The following PGM5 variants were observed in gnomAD, a reference collection of about 807,000 sequenced individuals.
PGM5 encodes the protein phosphoglucomutase 5, also known as phosphoglucomutase-like protein 5.
PGM5 carries 23 observed loss-of-function variants against 59.2 expected under a neutral mutation model. The observed-to-expected ratio is 0.39, with a 90% CI of 0.28 to 0.55. The LOEUF (loss-of-function observed/expected upper bound fraction) is 0.55. Ranked by LOEUF, PGM5 falls within the 20% of genes least tolerant of loss-of-function variation. The probability of loss-of-function intolerance (pLI) is 0.66; values close to 1 mark genes in which losing one functional copy is unlikely to be tolerated. For synonymous variants in PGM5, 214 were observed against 286.0 expected, an observed-to-expected ratio of 0.75 and a Z score of 2.54; for missense variants, 574 against 748.3, an observed-to-expected ratio of 0.77 and a Z score of 2.72.
chr9:68,375,314 C>T (rs12554575), intron 1 of PGM5, among the ~76,000 whole-genome samples: 10,995 of 152,248 alleles, frequency 0.072, 500 homozygotes, highest in Middle Eastern at 0.19. Context: ...AAGGCAAGGA[C>T]GATTGGGGCC....
chr9:68,452,069 G>C (rs1156417979), intron 6 of PGM5, among the ~76,000 whole-genome samples: 1 of 152,208 alleles, frequency 6.6e-6, no homozygotes, highest in Admixed American at 6.5e-5. Context: ...GACAGAGAGA[G>C]AGGTATTCCT....
At chr9:68,494,174 T>C (rs1202879269) in intron 9 of PGM5, among the ~76,000 whole-genome samples, 6 of 152,146 alleles carry the variant, frequency 3.9e-5, no homozygotes, top group Admixed American at 6.5e-5. Context: ...TAGTGAGATA[T>C]CATGAATTCT....
chr9:68,410,983 GC>G (rs1408407115), intron 6 of PGM5, among the ~76,000 whole-genome samples: 2 of 152,170 alleles, frequency 1.3e-5, no homozygotes, highest in Non-Finnish European at 2.9e-5. Context: ...TCATGGAAAG[GC>G]CCCAGCAGTG....
intron 6 of PGM5, chr9:68,405,271 C>A (rs1822775015): frequency 6.6e-6 from 1 of 152,222 alleles, no homozygotes; most frequent in Non-Finnish European, 1.5e-5. Context: ...GGAGGAGGGT[C>A]ATTCCTTCCC....
At chr9:68,464,140 T>G (rs1488484576) in intron 6 of PGM5, among the ~76,000 whole-genome samples, 1 of 152,260 alleles carries the variant, frequency 6.6e-6, no homozygotes, top group Non-Finnish European at 1.5e-5. Context: ...TTGGATTGTT[T>G]CAGTTATTAC....
intron 6 of PGM5, among the ~76,000 whole-genome samples, chr9:68,451,827 G>T (rs1480286441): frequency 6.6e-6 from 1 of 152,180 alleles, no homozygotes; most frequent in African/African-American, 2.4e-5. Context: ...GCATCCAGTT[G>T]CATAGGATGT....
intron 1 of PGM5, among the ~76,000 whole-genome samples, chr9:68,377,981 A>T (rs1266951111): frequency 2.0e-5 from 3 of 152,194 alleles, no homozygotes; most frequent in Admixed American, 2.0e-4. Context: ...ACAGGTTAAT[A>T]ATTGACTACT....
chr9:68,492,619 G>A (rs535866446), intron 9 of PGM5, among the ~76,000 whole-genome samples: 29 of 152,304 alleles, frequency 1.9e-4, no homozygotes, highest in African/African-American at 6.0e-4. Flanking sequence ...CAAGCCAGCC[G>A]AAGGAAGGAT....
intron 6 of PGM5, chr9:68,399,258 G>C (rs1297554736): frequency 1.3e-5 from 2 of 151,802 alleles, no homozygotes; most frequent in African/African-American, 4.8e-5. Flanking sequence ...AGTGAATACT[G>C]CTGCACAGGC....
chr9:68,500,960 T>C (rs1190223603), intron 10 of PGM5, among the ~76,000 whole-genome samples: 1 of 150,052 alleles, frequency 6.7e-6, no homozygotes, highest in Non-Finnish European at 1.5e-5. Flanking sequence ...AAGCAGTGCT[T>C]TTTTTTTTTC....
intron 6 of PGM5, among the ~76,000 whole-genome samples, chr9:68,404,693 C>A (rs1248052887): frequency 1.1e-4 from 16 of 152,214 alleles, no homozygotes; most frequent in African/African-American, 2.9e-4. Context: ...GTTCCAAGTT[C>A]TTTTAGAGTC....
In PGM5 at chr9:68,384,459, T is replaced by C; in HGVS notation, c.486T>C (p.Tyr162=). Residue 162 remains tyrosine, a synonymous_variant, in exon 3 of 11, where the codon TAT becomes TAC. Coordinates refer to ENST00000396396, the MANE Select transcript of PGM5 (RefSeq NM_021965.4). ...IYQISKTIEE[Y]AICPDLRIDL... ...AAATCAGCAAAACGATTGAGGAATA[T>C]GCTATATGTCCTGATCTCCGAATCG... 6.2e-7 allele frequency: 1 copy of C among 1,602,478 alleles called. No individual in the cohort carries two copies. The highest frequency in any genetic ancestry group is 8.5e-7 in the Non-Finnish European group (1 of 1,169,934).
rs1554685053 is a variant in PGM5 at position 68,457,864 on chromosome 9, A to G, written c.1044-7229A>G. 2.0e-5 allele frequency among the ~76,000 whole-genome samples: 3 copies of G among 152,174 alleles called. 1 individual carries two copies. The highest frequency in any genetic ancestry group is 7.2e-5 in the African/African-American group (3 of 41,452). On this transcript the variant is annotated intron_variant, in intron 6 of 10. Coordinates refer to ENST00000396396, the MANE Select transcript of PGM5 (RefSeq NM_021965.4). The stretch of plus-strand genomic sequence containing the variant: ...CTTGGAAAATACAAAGCAAAGCAAA[A>G]CAAAACAAACAGATAAGAAGATGAT...
chr9:68,434,994 T>C (rs1823422973), intron 6 of PGM5, among the ~76,000 whole-genome samples: 1 of 152,172 alleles, frequency 6.6e-6, no homozygotes, highest in Non-Finnish European at 1.5e-5. Flanking sequence ...GTGATGGCCA[T>C]TCTCCTGATA....
chr9:68,444,177 T>A (rs1453886358), intron 6 of PGM5, among the ~76,000 whole-genome samples: 1 of 151,230 alleles, frequency 6.6e-6, no homozygotes, highest in Non-Finnish European at 1.5e-5. Flanking sequence ...AAGACAGAAA[T>A]ATTGAGCTAT....
At chr9:68,466,070 T>C (rs1245575789) in intron 7 of PGM5, 1 of 1,092,778 alleles carries the variant, frequency 9.2e-7, no homozygotes, top group African/African-American at 1.6e-5. Flanking sequence ...GAGGCTCCAA[T>C]TACACATGTG....
intron 8 of PGM5, among the ~76,000 whole-genome samples, chr9:68,482,778 T>C (rs1320279608): frequency 6.6e-6 from 1 of 152,240 alleles, no homozygotes; most frequent in Non-Finnish European, 1.5e-5. Flanking sequence ...TTATTTATGG[T>C]GGTGATGGCA....
At position 68,482,096 on chromosome 9, in the gene PGM5, G is replaced by A. The variant is rs149267774; in HGVS notation, c.1296-1769G>A. Among the ~76,000 whole-genome samples, 7 of 152,254 alleles carry A rather than the reference G, an allele frequency of 4.6e-5. No homozygotes were observed. In the East Asian group the frequency reaches 5.8e-4, roughly 13 times the overall value. On this transcript the variant is annotated intron_variant, in intron 8 of 10. Transcript: ENST00000396396. ...GTGTTGTTATTGGTGGTGATCAGAC[G>A]GGGATTTGGGGGTGGAAGGCAGTGC... is the stretch of plus-strand genomic sequence containing the variant.
intron 6 of PGM5, chr9:68,397,825 G>T (rs1277641920): frequency 6.6e-6 from 1 of 152,178 alleles, no homozygotes; most frequent in Admixed American, 6.5e-5. Context: ...TCAGAAACAG[G>T]TATCTGGACC....
Sources: gnomAD v4.1 joint callset for allele counts (sites outside exome capture counted in the v4.1 genomes callset) on GRCh38, gnomAD v4.1.1 for gene constraint, MANE v1.5 for transcripts, NCBI Gene and HGNC (gene_info 2026-07-23, HGNC 2026-07-21) for gene names.